COL11A1: variants seen among roughly 807,000 people sequenced by gnomAD.
The protein encoded by COL11A1 is collagen alpha-1(XI) chain.
In COL11A1, 74 loss-of-function variants were observed where a neutral mutation model predicts 265.2. That is an observed-to-expected ratio of 0.28 (90% CI 0.23 to 0.34). The LOEUF (loss-of-function observed/expected upper bound fraction) is 0.34, where lower values mean the gene tolerates loss of function less well. Ranked by LOEUF, COL11A1 falls within the 10% of genes least tolerant of loss-of-function variation. The pLI, the probability that COL11A1 is intolerant of heterozygous loss-of-function variation, is 1.00. For synonymous variants in COL11A1, 816 were observed against 727.6 expected, an observed-to-expected ratio of 1.12 and a Z score of -1.96; for missense variants, 2,165 against 2,263.6, an observed-to-expected ratio of 0.96 and a Z score of 0.88.
intron 4 of COL11A1, among the ~76,000 whole-genome samples, chr1:103,055,486 G>A (rs1466360043): frequency 6.6e-6 from 1 of 152,058 alleles, no homozygotes; most frequent in African/African-American, 2.4e-5. Context: ...AGCTTATTTT[G>A]TTTTCTTTCT....
chr1:103,100,488 G>C (rs2102413557), intron 1 of COL11A1: 1 of 152,460 alleles, frequency 6.6e-6, no homozygotes, highest in East Asian at 1.9e-4. Context: ...CCATAAAATG[G>C]TAAGAGTAAT....
chr1:103,034,651 C>T (rs901994937), intron 4 of COL11A1, among the ~76,000 whole-genome samples: 1 of 151,760 alleles, frequency 6.6e-6, no homozygotes, highest in African/African-American at 2.4e-5. Flanking sequence ...CATAATTGTT[C>T]ATTTAATGTC....
At chr1:103,021,403 T>C (rs1667065690) in intron 9 of COL11A1, among the ~76,000 whole-genome samples, 1 of 152,170 alleles carries the variant, frequency 6.6e-6, no homozygotes, top group African/African-American at 2.4e-5. Flanking sequence ...AAACATTTGA[T>C]ACCTCAGGAA....
chr1:102,989,626 C>T, intron 28 of COL11A1, 55 bp from the exon 29 acceptor site: 5 of 1,219,026 alleles, frequency 4.1e-6, no homozygotes, highest in Non-Finnish European at 3.6e-6. Context: ...TTGGAGTAAC[C>T]TAAAATATTG....
chr1:103,047,170 G>C (rs541908269), intron 4 of COL11A1, among the ~76,000 whole-genome samples: 1 of 152,028 alleles, frequency 6.6e-6, no homozygotes, highest in Non-Finnish European at 1.5e-5. Flanking sequence ...CAATGGGGAC[G>C]GCATTGAATC....
At chr1:102,924,440 G>C (rs923985401) in intron 46 of COL11A1, among the ~76,000 whole-genome samples, 3 of 152,006 alleles carry the variant, frequency 2.0e-5, no homozygotes, top group Non-Finnish European at 4.4e-5. Context: ...CCTCTTTCAT[G>C]TCACAACAAT....
chr1:103,000,271 T>C (rs955726284), intron 24 of COL11A1, among the ~76,000 whole-genome samples: 2 of 151,888 alleles, frequency 1.3e-5, no homozygotes, highest in Non-Finnish European at 2.9e-5. Flanking sequence ...CTGATCTAAA[T>C]ATTAAAAATA....
intron 58 of COL11A1, 72 bp from the exon 59 acceptor site, chr1:102,889,634 T>C: frequency 1.8e-6 from 2 of 1,092,182 alleles, no homozygotes; most frequent in Non-Finnish European, 2.8e-6. Context: ...TATAAAATAT[T>C]TGCACATTAA....
At chr1:102,978,062 T>G (rs1217284051) in intron 35 of COL11A1, among the ~76,000 whole-genome samples, 1 of 152,120 alleles carries the variant, frequency 6.6e-6, no homozygotes, top group African/African-American at 2.4e-5. Context: ...TATGAAGAAA[T>G]GATTCTAATT....
intron 4 of COL11A1, among the ~76,000 whole-genome samples, chr1:103,046,163 T>G (rs1669246894): frequency 6.6e-6 from 1 of 150,826 alleles, no homozygotes; most frequent in South Asian, 2.1e-4. Context: ...CAAATGGTAT[T>G]TCTAGTTCTA....
chr1:103,081,253 A>G (rs977585872), intron 2 of COL11A1, among the ~76,000 whole-genome samples: 15 of 151,906 alleles, frequency 9.9e-5, no homozygotes, highest in African/African-American at 3.6e-4. Flanking sequence ...ATAATGAGCT[A>G]AAGTATAAAA....
At position 103,017,901 on chromosome 1, in the gene COL11A1, T is replaced by C; in HGVS notation, c.1351-19A>G. The C allele has an allele frequency of 6.3e-7, 1 of 1,585,852 alleles. No homozygotes were observed. Among genetic ancestry groups the C allele is most frequent in the Non-Finnish European group, 8.7e-7 (1 of 1,154,400 alleles). ...TAATACCCTATAGAGAAACACACCA[T>C]ATCTTAATCAGATTCCTAATCTCAT... On this transcript the variant is annotated intron_variant, in intron 10 of 66. Transcript: ENST00000370096.
chr1:102,936,193 A>G (rs1658124574), intron 44 of COL11A1, among the ~76,000 whole-genome samples: 1 of 151,772 alleles, frequency 6.6e-6, no homozygotes, highest in Non-Finnish European at 1.5e-5. Flanking sequence ...AACTGAAGAC[A>G]TACATAAAGT....
intron 26 of COL11A1, 131 bp downstream of exon 26, chr1:102,996,949 A>T (rs1664687803): frequency 5.3e-6 from 4 of 754,768 alleles, no homozygotes; most frequent in African/African-American, 1.8e-5. Flanking sequence ...AATTAAAAGT[A>T]GTCTAAGATA....
At chr1:103,080,410 G>A (rs1672312041) in intron 2 of COL11A1, among the ~76,000 whole-genome samples, 3 of 151,766 alleles carry the variant, frequency 2.0e-5, no homozygotes, top group Admixed American at 2.0e-4. Context: ...GAAAATATTT[G>A]CAAACTATAC....
intron 14 of COL11A1, among the ~76,000 whole-genome samples, chr1:103,009,941 G>A (rs1198107793): frequency 2.6e-5 from 4 of 152,076 alleles, no homozygotes; most frequent in Admixed American, 6.5e-5. Context: ...TGAATTGAAT[G>A]CAATTATGCA....
chr1:102,915,602 C>A (rs750740231), intron 50 of COL11A1, 29 bp downstream of exon 50: 19 of 1,588,338 alleles, frequency 1.2e-5, no homozygotes, highest in Non-Finnish European at 1.6e-5. Flanking sequence ...ACCAATAATA[C>A]ACTATGTTAA....
chr1:102,923,044 T>C (rs929884315), intron 47 of COL11A1, among the ~76,000 whole-genome samples: 3 of 152,218 alleles, frequency 2.0e-5, no homozygotes, highest in Non-Finnish European at 4.4e-5. Context: ...TTATAAGTCA[T>C]AGCATTCTAA....
intron 4 of COL11A1, among the ~76,000 whole-genome samples, chr1:103,056,947 G>A (rs4489579): frequency 0.12 from 18,115 of 152,118 alleles, 1,204 homozygotes; most frequent in Non-Finnish European, 0.14. Flanking sequence ...CTGGTGGAGG[G>A]TCTCACCTCT....
Sources: allele counts gnomAD v4.1 joint callset (sites outside exome capture counted in the v4.1 genomes callset), GRCh38; gene constraint gnomAD v4.1.1; transcripts MANE v1.5; gene names NCBI Gene and HGNC (gene_info 2026-07-23, HGNC 2026-07-21).